Variants in SLC2A9 observed in about 807,000 individuals in gnomAD.
SLC2A9 encodes the protein solute carrier family 2 member 9, also known as solute carrier family 2, facilitated glucose transporter member 9.
SLC2A9 carries 39 observed loss-of-function variants against 50.6 expected under a neutral mutation model. The observed-to-expected ratio is 0.77, with a 90% CI of 0.60 to 1.01. The LOEUF is 1.01. Among genes scored for constraint, SLC2A9 ranks in the 50% least tolerant of loss-of-function variants. The pLI is 0.00. For synonymous variants in SLC2A9, 324 were observed against 276.9 expected, an observed-to-expected ratio of 1.17 and a Z score of -1.69; for missense variants, 686 against 677.6, an observed-to-expected ratio of 1.01 and a Z score of -0.14.
At chr4:9,811,919 T>C (rs1475159125) in intron 3 of SLC2A9, among the ~76,000 whole-genome samples, 1 of 151,918 alleles carries the variant, frequency 6.6e-6, no homozygotes. Flanking sequence ...GGAGGCAGAG[T>C]TGAAATTTTG....
chr4:9,953,151 C>A (rs945761293), intron 5 of SLC2A9, among the ~76,000 whole-genome samples: 1 of 152,194 alleles, frequency 6.6e-6, no homozygotes, highest in Non-Finnish European at 1.5e-5. Context: ...CTTGGTCATT[C>A]CTGACTGGAA....
At chr4:9,861,979 C>T (rs1731733076) in intron 10 of SLC2A9, among the ~76,000 whole-genome samples, 1 of 152,192 alleles carries the variant, frequency 6.6e-6, no homozygotes, top group Admixed American at 6.5e-5. Context: ...TCCTCCGGCC[C>T]CTACTATCCT....
chr4:9,862,321 C>T (rs544776401), intron 10 of SLC2A9, among the ~76,000 whole-genome samples: 6 of 152,180 alleles, frequency 3.9e-5, no homozygotes, highest in African/African-American at 1.4e-4. Flanking sequence ...GTTGCTGTCA[C>T]TAGAGACTCA....
At chr4:9,977,638 A>G (rs13103497) in intron 5 of SLC2A9, among the ~76,000 whole-genome samples, 79,915 of 149,148 alleles carry the variant, frequency 0.54, 22,405 homozygotes, top group East Asian at 0.89. Flanking sequence ...ACCTCTGGCT[A>G]GAACTCCCCG....
intron 6 of SLC2A9, 127 bp downstream of exon 6, chr4:9,941,786 C>A (rs896528189): frequency 3.7e-6 from 5 of 1,355,700 alleles, no homozygotes; most frequent in African/African-American, 2.9e-5. Flanking sequence ...TGATACCCAG[C>A]CCAGTGCCTG....
chr4:9,782,812 C>G, intron 3 of SLC2A9: 1 of 1,613,748 alleles, frequency 6.2e-7, no homozygotes, highest in Non-Finnish European at 8.5e-7. Context: ...GGATTTCCTC[C>G]CTGGAGAGGG....
At chr4:9,853,210 C>T (rs1392679493) in intron 10 of SLC2A9, among the ~76,000 whole-genome samples, 1 of 149,004 alleles carries the variant, frequency 6.7e-6, no homozygotes, top group Non-Finnish European at 1.5e-5. Flanking sequence ...GAGTGACAAG[C>T]TTGATAAAGA....
intron 3 of SLC2A9, among the ~76,000 whole-genome samples, chr4:9,811,195 T>C (rs2108991862): frequency 6.6e-6 from 1 of 152,342 alleles, no homozygotes; most frequent in South Asian, 2.1e-4. Flanking sequence ...GATTGAAGTC[T>C]GGACATTGGG....
intron 10 of SLC2A9, among the ~76,000 whole-genome samples, chr4:9,841,652 G>C (rs1728100135): frequency 6.6e-6 from 1 of 152,106 alleles, no homozygotes; most frequent in Non-Finnish European, 1.5e-5. Flanking sequence ...TAGAAAAATT[G>C]GTTAGGGGTG....
intron 6 of SLC2A9, chr4:9,922,764 T>C (rs1054381567): frequency 6.6e-6 from 1 of 152,294 alleles, no homozygotes; most frequent in Non-Finnish European, 1.5e-5. Context: ...CTTGTCACTT[T>C]CCATGTGTTA....
At chr4:9,901,251 G>T (rs1055214456) in intron 8 of SLC2A9, among the ~76,000 whole-genome samples, 1 of 151,972 alleles carries the variant, frequency 6.6e-6, no homozygotes, top group African/African-American at 2.4e-5. Flanking sequence ...AATAAACTGG[G>T]GACTTGATCT....
intron 5 of SLC2A9, among the ~76,000 whole-genome samples, chr4:9,961,183 TGCCCCTTC>T (rs1221675712): frequency 6.6e-6 from 1 of 152,192 alleles, no homozygotes; most frequent in Middle Eastern, 3.2e-3. Context: ...CGTCATGCTA[TGCCCCTTC>T]CCACAGAGAG....
chr4:9,945,408 T>G (rs1000941121), intron 5 of SLC2A9, among the ~76,000 whole-genome samples: 1 of 151,906 alleles, frequency 6.6e-6, no homozygotes, highest in African/African-American at 2.4e-5. Flanking sequence ...CAGGAAAGAG[T>G]GGCTTTTATT....
chr4:9,863,151 ATT>A (rs772782532), intron 10 of SLC2A9, among the ~76,000 whole-genome samples: 10 of 151,556 alleles, frequency 6.6e-5, no homozygotes, highest in African/African-American at 2.2e-4. Flanking sequence ...GTGTTCAAAA[ATT>A]TTTTTTGTTT....
rs895881811 is a variant in SLC2A9 at position 9,999,537 on chromosome 4, G to A, written c.250-2596C>T. Among the ~76,000 whole-genome samples, 16 of 152,250 alleles carry A rather than the reference G, an allele frequency of 1.1e-4. No individual in the cohort carries two copies. In the East Asian group the frequency reaches 2.9e-3, roughly 28 times the overall value. ...GAGGGAGAATTATGCCAAGACAGCAGGACAGAAGAAAGCTTGGGTGGCCAT... is the reference window on the plus strand; with the variant it reads ...GAGGGAGAATTATGCCAAGACAGCAAGACAGAAGAAAGCTTGGGTGGCCAT... On this transcript the variant is annotated intron_variant, in intron 2 of 11. Coordinates refer to ENST00000264784, the MANE Select transcript of SLC2A9 (RefSeq NM_020041.3).
chr4:9,889,655 A>G (rs1736990280), intron 9 of SLC2A9, among the ~76,000 whole-genome samples: 1 of 152,216 alleles, frequency 6.6e-6, no homozygotes, highest in South Asian at 2.1e-4. Flanking sequence ...CTTCTTCTAG[A>G]AACATTTGGG....
intron 1 of SLC2A9, 132 bp downstream of exon 1, chr4:10,021,148 C>G (rs1473958039): frequency 6.3e-6 from 6 of 946,324 alleles, no homozygotes; most frequent in Non-Finnish European, 1.0e-5. Flanking sequence ...AAACTGAGGC[C>G]TCCCTGCCTC....
chr4:9,949,300 G>C (rs1749769010), intron 5 of SLC2A9, among the ~76,000 whole-genome samples: 1 of 152,110 alleles, frequency 6.6e-6, no homozygotes, highest in African/African-American at 2.4e-5. Flanking sequence ...ATGTTGGGGA[G>C]GATGAATGAC....
At chr4:9,982,138 C>T (rs1177531363) in intron 4 of SLC2A9, among the ~76,000 whole-genome samples, 2 of 152,208 alleles carry the variant, frequency 1.3e-5, no homozygotes, top group African/African-American at 4.8e-5. Flanking sequence ...CCTTGGCCTC[C>T]CAAAGTGTTA....
Sources: gnomAD v4.1 joint callset for allele counts (sites outside exome capture counted in the v4.1 genomes callset) on GRCh38, gnomAD v4.1.1 for gene constraint, MANE v1.5 for transcripts, NCBI Gene and HGNC (gene_info 2026-07-23, HGNC 2026-07-21) for gene names.